Variants in NCOA6 observed in about 807,000 individuals in gnomAD.
The protein encoded by NCOA6 is nuclear receptor coactivator 6, also known as NRC RAP250.
A neutral mutation model predicts 171.4 loss-of-function variants in NCOA6; 49 were observed. That is an observed-to-expected ratio of 0.29 (90% CI 0.23 to 0.36). The LOEUF (loss-of-function observed/expected upper bound fraction) is 0.36, where lower values mean the gene tolerates loss of function less well. NCOA6 is among the 10% of genes least tolerant of loss of function. NCOA6 has a pLI of 1.00. For synonymous variants in NCOA6, 910 were observed against 927.5 expected, an observed-to-expected ratio of 0.98 and a Z score of 0.34; for missense variants, 2,248 against 2,554.5, an observed-to-expected ratio of 0.88 and a Z score of 2.59.
intron 1 of NCOA6, among the ~76,000 whole-genome samples, chr20:34,814,814 ACTCCTAAC>A (rs1358691496): frequency 6.6e-6 from 1 of 152,138 alleles, no homozygotes; most frequent in Non-Finnish European, 1.5e-5. Flanking sequence ...CTGGTCACGA[ACTCCTAAC>A]CTCAGGTGAT....
Position 34,753,592 on chromosome 20 carries a change from G to A in NCOA6, c.1675+1130C>T, listed in dbSNP as rs538772841. 2.3e-3 allele frequency among the ~76,000 whole-genome samples: 349 copies of A among 151,976 alleles called. 3 individuals carry two copies. The highest frequency in any genetic ancestry group is 3.4e-3 in the Middle Eastern group (1 of 294). On this transcript the variant is annotated intron_variant, in intron 8 of 14. Transcript: ENST00000359003. ...AGAGAATTGCTTGAACCTGGGAGGT[G>A]GAGGCTGCAGTGAGCCGATATTGAG...
Position 34,752,718 on chromosome 20 carries a change from C to CA in NCOA6, c.1675+2003dup, listed in dbSNP as rs375841111. ...CCAAGGTGGGTGGATCACCTGAGGT[C>CA]AGGAGTTCGAGACCAGCCTGGCCAA... On this transcript the variant is annotated intron_variant, in intron 8 of 14. Coordinates refer to ENST00000359003, the MANE Select transcript of NCOA6 (RefSeq NM_014071.5). Among the ~76,000 whole-genome samples, 5 of 152,134 alleles carry CA rather than the reference C, an allele frequency of 3.3e-5. No homozygotes were observed. In the East Asian group the frequency reaches 9.7e-4, roughly 30 times the overall value.
At chr20:34,759,031 T>TG in intron 5 of NCOA6, 98 bp from the exon 6 acceptor site, 1 of 997,284 alleles carries the variant, frequency 1.0e-6, no homozygotes. Flanking sequence ...GAAAATTTGT[T>TG]TTTTTTTTTT....
chr20:34,731,074 C>T (rs186135944), intron 13 of NCOA6, among the ~76,000 whole-genome samples: 72 of 151,544 alleles, frequency 4.8e-4, no homozygotes, highest in African/African-American at 1.6e-3. Flanking sequence ...GGCTGGGGTG[C>T]AGTGGCATGA....
At position 34,781,487 on chromosome 20, in the gene NCOA6, AC is replaced by A. The variant is rs2077516217; in HGVS notation, c.235+633del. ...CTCTCAGAAGCAGCTGCTACTTCGT[AC>A]CATCTGGGAGAGAGGGAGAACTCAA... On this transcript the variant is annotated intron_variant, in intron 3 of 14. Transcript: ENST00000359003. Among the ~76,000 whole-genome samples, 6 of 152,344 alleles carry A rather than the reference AC, an allele frequency of 3.9e-5. No individual in the cohort carries two copies. In the South Asian group the frequency reaches 1.2e-3, roughly 32 times the overall value.
intron 5 of NCOA6, among the ~76,000 whole-genome samples, chr20:34,759,658 T>TA (rs1168528111): frequency 6.6e-6 from 1 of 152,228 alleles, no homozygotes; most frequent in African/African-American, 2.4e-5. Flanking sequence ...TCTTGACTGT[T>TA]ATAAGGGTTC....
intron 5 of NCOA6, among the ~76,000 whole-genome samples, chr20:34,760,756 T>A: frequency 6.6e-6 from 1 of 152,328 alleles, no homozygotes; most frequent in Middle Eastern, 3.4e-3. Context: ...ATTAGCATAG[T>A]TAATTGTGGA....
intron 4 of NCOA6, among the ~76,000 whole-genome samples, chr20:34,773,840 C>T (rs2077227345): frequency 6.6e-6 from 1 of 152,148 alleles, no homozygotes; most frequent in African/African-American, 2.4e-5. Flanking sequence ...CTTCTTACAA[C>T]TTACAAAATC....
At chr20:34,784,713 C>T (rs1227329161) in intron 2 of NCOA6, among the ~76,000 whole-genome samples, 2 of 151,742 alleles carry the variant, frequency 1.3e-5, no homozygotes, top group Admixed American at 6.6e-5. Flanking sequence ...CCCAGGAGTT[C>T]GAGGCAGCAG....
Position 34,750,496 on chromosome 20 carries a change from G to C in NCOA6, c.1699C>G (p.Gln567Glu), listed in dbSNP as rs924723999. The stretch of plus-strand genomic sequence containing the variant: ...CCGTGGGACACCTGCATCTGGTTTT[G>C]AGGAGGACCAGCTCCTTGACCACCT... ...HAGGQGAGPP[Q>E]NQMQVSHGPP... is the part of the protein sequence containing the mutation. Residue 567 changes from glutamine to glutamate, a missense_variant, in exon 9 of 15, where the codon CAA (glutamine) becomes GAA (glutamate). Around this residue, in one of 7 missense-constraint regions of NCOA6, gnomAD observed 987 missense variants for 1,104.7 expected, o/e 0.89. Transcript: ENST00000359003. 2 of 1,607,252 alleles carry C rather than the reference G, an allele frequency of 1.2e-6. No homozygotes were observed. The highest frequency in any genetic ancestry group is 1.7e-6 in the Non-Finnish European group (2 of 1,176,058).
rs543398320 is a variant in NCOA6, at chr20:34,813,647, T to C, written c.-164+11825A>G. ...ATTAAAGGCATAGTATCATGATATCTTTATTTTTAAAAAGTTTAACATAAT... is the reference window on the plus strand; with the variant it reads ...ATTAAAGGCATAGTATCATGATATCCTTATTTTTAAAAAGTTTAACATAAT... On this transcript the variant is annotated intron_variant, in intron 1 of 14. Coordinates refer to ENST00000359003, the MANE Select transcript of NCOA6 (RefSeq NM_014071.5). Among the ~76,000 whole-genome samples the C allele has an allele frequency of 3.2e-4, 49 of 152,294 alleles. No individual in the cohort carries two copies. The South Asian group carries it at 0.01, about 32-fold the overall frequency.
At chr20:34,800,407 C>T (rs1161270367) in intron 1 of NCOA6, among the ~76,000 whole-genome samples, 1 of 152,006 alleles carries the variant, frequency 6.6e-6, no homozygotes, top group Admixed American at 6.6e-5. Context: ...GGACTAAATT[C>T]TCCAATGAAA....
intron 8 of NCOA6, among the ~76,000 whole-genome samples, chr20:34,754,120 C>G (rs2076574146): frequency 6.6e-6 from 1 of 152,260 alleles, no homozygotes; most frequent in Non-Finnish European, 1.5e-5. Context: ...AAATATCACA[C>G]TGTAAACCAG....
At chr20:34,819,146 C>A (rs117878842) in intron 1 of NCOA6, among the ~76,000 whole-genome samples, 3 of 152,134 alleles carry the variant, frequency 2.0e-5, no homozygotes, top group African/African-American at 4.8e-5. Context: ...CCATCCCCCC[C>A]ACCATCCCAA....
chr20:34,763,458 T>C (rs2076877919), intron 5 of NCOA6, among the ~76,000 whole-genome samples: 1 of 152,226 alleles, frequency 6.6e-6, no homozygotes, highest in Non-Finnish European at 1.5e-5. Flanking sequence ...CTTGTTTTCT[T>C]ATGATTCTCA....
chr20:34,802,099 T>C (rs1180011039), intron 1 of NCOA6, among the ~76,000 whole-genome samples: 1 of 152,194 alleles, frequency 6.6e-6, no homozygotes, highest in African/African-American at 2.4e-5. Context: ...AAAAAGATGA[T>C]AGACACAGTG....
chr20:34,721,238 C>CAAAAAAAAAAA lies in NCOA6; in HGVS notation c.6149-5884_6149-5874dup, dbSNP rs10531679. 5.0e-4 allele frequency among the ~76,000 whole-genome samples: 33 copies of CAAAAAAAAAAA among 66,046 alleles called. 1 individual carries two copies. The highest frequency in any genetic ancestry group is 2.0e-3 in the African/African-American group (31 of 15,722). 43.3% of individuals were successfully genotyped at this position (66,046 alleles called of 152,430 possible). A position where few individuals can be genotyped will look rare whatever the true frequency, so the allele number is the denominator to read the frequency against. ...CTCCCCTTCCCCTTCTTCCTCTATA[C>CAAAAAAAAAAA]AAAAAAAAAAAAAAAAAAAAAAAAA... On this transcript the variant is annotated intron_variant, in intron 14 of 14. Coordinates refer to ENST00000359003, the MANE Select transcript of NCOA6 (RefSeq NM_014071.5).
intron 14 of NCOA6, 80 bp from the exon 15 acceptor site, chr20:34,715,445 G>C (rs1988418861): frequency 9.7e-7 from 1 of 1,034,912 alleles, no homozygotes; most frequent in Admixed American, 1.7e-5. Flanking sequence ...AACAAGCAGG[G>C]CAGACCTAAG....
At chr20:34,733,850 CAAAAAAA>C (rs60649247) in intron 12 of NCOA6, among the ~76,000 whole-genome samples, 3 of 44,406 alleles carry the variant, frequency 6.8e-5, no homozygotes, top group East Asian at 8.4e-4. Flanking sequence ...GACTCTGTCC[CAAAAAAA>C]AAAAAAAAAA....
Sources: gnomAD v4.1 joint callset for allele counts (sites outside exome capture counted in the v4.1 genomes callset) on GRCh38, gnomAD v4.1.1 for gene constraint, gnomAD v4.1.1 regional missense constraint, MANE v1.5 for transcripts, NCBI Gene and HGNC (gene_info 2026-07-23, HGNC 2026-07-21) for gene names.